Variants in PCDHA13 observed in about 807,000 individuals in gnomAD.
PCDHA13 encodes the protein protocadherin alpha 13.
Under a neutral mutation model 64.8 loss-of-function variants are expected in PCDHA13, and 54 were observed. That is an observed-to-expected ratio of 0.83 (90% CI 0.67 to 1.04). PCDHA13 has a LOEUF of 1.04. Ranked by LOEUF, PCDHA13 falls within the 50% of genes least tolerant of loss-of-function variation. PCDHA13 has a pLI of 0.00. For synonymous variants in PCDHA13, 587 were observed against 564.4 expected, an observed-to-expected ratio of 1.04 and a Z score of -0.57; for missense variants, 1,248 against 1,254.3, an observed-to-expected ratio of 0.99 and a Z score of 0.08.
intron 1 of PCDHA13, among the ~76,000 whole-genome samples, chr5:140,961,978 G>T (rs1336878095): frequency 6.6e-6 from 1 of 151,828 alleles, no homozygotes; most frequent in Non-Finnish European, 1.5e-5. Context: ...CCGCCTCCTG[G>T]GTTCACGCCA....
intron 1 of PCDHA13, chr5:140,928,749 T>A: frequency 1.2e-6 from 2 of 1,614,194 alleles, no homozygotes; most frequent in Non-Finnish European, 1.7e-6. Flanking sequence ...GTGAGCTCCG[T>A]ACTGCTCGCT....
intron 1 of PCDHA13, among the ~76,000 whole-genome samples, chr5:140,974,318 A>G (rs2096622244): frequency 6.6e-6 from 1 of 152,206 alleles, no homozygotes; most frequent in Admixed American, 6.5e-5. Context: ...GTGAGAGAGT[A>G]GCTGCTGTGC....
chr5:140,969,147 A>G (rs781909774), intron 1 of PCDHA13: 1 of 1,614,172 alleles, frequency 6.2e-7, no homozygotes, highest in Non-Finnish European at 8.5e-7. Flanking sequence ...TACTGCTACA[A>G]GGCCTGTCTG....
At chr5:140,926,782 C>G in intron 1 of PCDHA13, 1 of 1,403,504 alleles carries the variant, frequency 7.1e-7, no homozygotes, top group Non-Finnish European at 9.3e-7. Context: ...GCAGTGACGG[C>G]CGGCAGGAGC....
At chr5:140,944,407 G>A (rs1384591675) in intron 1 of PCDHA13, among the ~76,000 whole-genome samples, 2 of 152,036 alleles carry the variant, frequency 1.3e-5, no homozygotes, top group East Asian at 1.9e-4. Context: ...GGCTGGTCTC[G>A]AACTCCTGAT....
Position 141,010,460 on chromosome 5 carries a change from A to G in PCDHA13, c.*523A>G. ...AGACAAATAAACAGCGGAAGTTATC[A>G]GTATGGAGGGGAAGTGTAAACTTAA... On this transcript the variant is annotated 3_prime_UTR_variant, in exon 4 of 4. Coordinates refer to ENST00000289272, the MANE Select transcript of PCDHA13 (RefSeq NM_018904.3). The G allele has an allele frequency of 1.2e-6, 1 of 835,130 alleles. No individual in the cohort carries two copies. The highest frequency in any genetic ancestry group is 1.8e-6 in the Non-Finnish European group (1 of 562,732). The allele number at this position is 835,130 out of a possible 1,614,324, so 51.7% of individuals were successfully genotyped here.
chr5:140,968,868 A>G, intron 1 of PCDHA13: 6 of 1,614,140 alleles, frequency 3.7e-6, no homozygotes, highest in Non-Finnish European at 5.1e-6. Flanking sequence ...CCTCGGACAT[A>G]CTCTGAAATT....
At chr5:140,975,963 A>G (rs2096691903) in intron 1 of PCDHA13, among the ~76,000 whole-genome samples, 1 of 152,186 alleles carries the variant, frequency 6.6e-6, no homozygotes, top group Non-Finnish European at 1.5e-5. Flanking sequence ...TTCTTCACCA[A>G]TAGAAAGTAA....
In PCDHA13 at chr5:140,887,347, C is replaced by T. The variant is rs568939189; in HGVS notation, c.2394+2685C>T. Among the ~76,000 whole-genome samples the T allele has an allele frequency of 4.6e-5, 7 of 152,202 alleles. No homozygotes were observed. In the South Asian group the frequency reaches 6.2e-4, roughly 14 times the overall value. On this transcript the variant is annotated intron_variant, in intron 1 of 3. Coordinates refer to ENST00000289272, the MANE Select transcript of PCDHA13 (RefSeq NM_018904.3). ...TCCTGACCTCGTGATCCACCTGGCT[C>T]GGCCTCCCAAAGTGCTGGGATTACA...
chr5:140,982,487 A>G lies in PCDHA13; in HGVS notation c.2466A>G (p.Leu822=), dbSNP rs1417892860. 3 of 1,614,078 alleles carry G rather than the reference A, an allele frequency of 1.9e-6. No homozygotes were observed. Among genetic ancestry groups the G allele is most frequent in the Non-Finnish European group, 2.5e-6 (3 of 1,180,034 alleles). Residue 822 remains leucine (L), a synonymous_variant, in exon 3 of 4, where the codon CTA becomes CTG. Coordinates refer to ENST00000289272, the MANE Select transcript of PCDHA13 (RefSeq NM_018904.3). ...TGTGTTTATTCAGCTCTGTGCACCTAGAGGAGGCTGGCATTCTACGGGCTG... is the reference window on the plus strand; with the variant it reads ...TGTGTTTATTCAGCTCTGTGCACCTGGAGGAGGCTGGCATTCTACGGGCTG... The part of the protein sequence containing the change: ...LRAGMHSSVH[L]EEAGILRAGP...
rs1207415477 is a variant in PCDHA13 at position 140,980,276 on chromosome 5, T to C, written c.2453+1269T>C. 1.3e-5 allele frequency among the ~76,000 whole-genome samples: 2 copies of C among 152,224 alleles called. 1 individual carries two copies. The highest frequency in any genetic ancestry group is 2.9e-5 in the Non-Finnish European group (2 of 68,040). On this transcript the variant is annotated intron_variant, in intron 2 of 3. Transcript: ENST00000289272. ...AAAGCATGGTTTACAGTACCAACTC[T>C]TGAAAAGTACCAAAGCTATGAGTTG... is the stretch of plus-strand genomic sequence containing the variant.
At position 140,992,156 on chromosome 5, in the gene PCDHA13, A is replaced by G. The variant is rs79603129; in HGVS notation, c.2542+9593A>G. On this transcript the variant is annotated intron_variant, in intron 3 of 3. Coordinates refer to ENST00000289272, the MANE Select transcript of PCDHA13 (RefSeq NM_018904.3). ...TGATGATGCTAACTTTGCTCAATCA[A>G]GAAGTGTGATCCATTTAAATCATGC... Among the ~76,000 whole-genome samples the G allele has an allele frequency of 2.1e-3, 313 of 152,232 alleles. 2 individuals carry two copies. The highest frequency in any genetic ancestry group is 3.8e-3 in the Non-Finnish European group (258 of 67,998).
chr5:140,933,853 A>AT (rs2089460601), intron 1 of PCDHA13, among the ~76,000 whole-genome samples: 2 of 151,568 alleles, frequency 1.3e-5, no homozygotes, highest in Non-Finnish European at 3.0e-5. Context: ...TGTACCTTTA[A>AT]TTTTTTCAGA....
intron 3 of PCDHA13, among the ~76,000 whole-genome samples, chr5:141,002,090 A>AGG (rs782223041): frequency 1.3e-5 from 2 of 152,254 alleles, no homozygotes; most frequent in Non-Finnish European, 2.9e-5. Flanking sequence ...CGAGCAGTCC[A>AGG]GGGGCTGGGC....
chr5:140,883,459 G>A lies in PCDHA13; in HGVS notation c.1191G>A (p.Leu397=). ...TGACGCCGCATGTCCCCTTCAAGCTGGTGTCCACCTACAAGAACTACTACT... is the reference window on the plus strand; with the variant it reads ...TGACGCCGCATGTCCCCTTCAAGCTAGTGTCCACCTACAAGAACTACTACT... The part of the protein sequence containing the change: ...CTLTPHVPFK[L]VSTYKNYYSL... The change falls in exon 1 of 4, where the codon CTG becomes CTA. Residue 397 remains leucine (L), a synonymous_variant. Transcript: ENST00000289272. The A allele has an allele frequency of 6.2e-7, 1 of 1,614,132 alleles. No individual in the cohort carries two copies. Among genetic ancestry groups the A allele is most frequent in the Non-Finnish European group, 8.5e-7 (1 of 1,180,040 alleles).
chr5:140,919,480 T>C (rs1745975489), intron 1 of PCDHA13, among the ~76,000 whole-genome samples: 1 of 152,198 alleles, frequency 6.6e-6, no homozygotes, highest in Admixed American at 6.5e-5. Context: ...TATTTGGATT[T>C]ATGTTTGTTA....
chr5:140,906,804 C>T (rs1254520665), intron 1 of PCDHA13, among the ~76,000 whole-genome samples: 3 of 152,224 alleles, frequency 2.0e-5, no homozygotes, highest in Non-Finnish European at 4.4e-5. Context: ...CATACTCTTC[C>T]TTACCTCCAC....
chr5:140,973,674 T>A (rs782774613), intron 1 of PCDHA13, among the ~76,000 whole-genome samples: 10 of 152,264 alleles, frequency 6.6e-5, no homozygotes, highest in Non-Finnish European at 1.3e-4. Flanking sequence ...GTAGCTTGAA[T>A]GTCATTGGCC....
intron 3 of PCDHA13, among the ~76,000 whole-genome samples, chr5:141,007,767 G>T (rs1322859075): frequency 6.6e-6 from 1 of 152,142 alleles, no homozygotes; most frequent in African/African-American, 2.4e-5. Context: ...TATTGGCCTG[G>T]AAATGGTACT....
Sources: allele counts gnomAD v4.1 joint callset (sites outside exome capture counted in the v4.1 genomes callset), GRCh38; gene constraint gnomAD v4.1.1; transcripts MANE v1.5; gene names NCBI Gene and HGNC (gene_info 2026-07-23, HGNC 2026-07-21).